PPP1R16B: variants seen among roughly 807,000 people sequenced by gnomAD.
PPP1R16B encodes the protein protein phosphatase 1 regulatory subunit 16B.
Under a neutral mutation model 61.7 loss-of-function variants are expected in PPP1R16B, and 14 were observed. The observed-to-expected ratio is 0.23, with a 90% CI of 0.15 to 0.35. The LOEUF (loss-of-function observed/expected upper bound fraction) is 0.35. Ranked by LOEUF, PPP1R16B falls within the 10% of genes least tolerant of loss-of-function variation. The pLI, the probability that PPP1R16B is intolerant of heterozygous loss-of-function variation, is 1.00. For missense variants in PPP1R16B, 547 were observed against 752.5 expected, an observed-to-expected ratio of 0.73 and a Z score of 3.19; for synonymous variants, 266 against 305.3, an observed-to-expected ratio of 0.87 and a Z score of 1.34.
chr20:38,906,723 C>G (rs547501915), intron 7 of PPP1R16B, among the ~76,000 whole-genome samples: 9 of 152,200 alleles, frequency 5.9e-5, no homozygotes, highest in Non-Finnish European at 1.3e-4. Context: ...TCCTTAGATA[C>G]CTGCCAGCTC....
At chr20:38,896,098 T>A (rs2085343255) in intron 4 of PPP1R16B, among the ~76,000 whole-genome samples, 1 of 120,654 alleles carries the variant, frequency 8.3e-6, no homozygotes, top group Non-Finnish European at 1.7e-5. Flanking sequence ...CTGCCTTTCT[T>A]CTGTCTCCCC....
intron 2 of PPP1R16B, among the ~76,000 whole-genome samples, chr20:38,870,793 C>T (rs542845055): frequency 1.3e-5 from 2 of 152,320 alleles, no homozygotes; most frequent in East Asian, 1.9e-4. Context: ...CTCCAAGAGG[C>T]AGCTCGGCTG....
At chr20:38,872,401 C>T (rs746779022) in intron 2 of PPP1R16B, among the ~76,000 whole-genome samples, 2 of 151,946 alleles carry the variant, frequency 1.3e-5, no homozygotes, top group Non-Finnish European at 2.9e-5. Context: ...ATTTGCGGAG[C>T]GGGAAAGGAG....
At chr20:38,826,807 A>G (rs2084808141) in intron 1 of PPP1R16B, among the ~76,000 whole-genome samples, 4 of 152,228 alleles carry the variant, frequency 2.6e-5, no homozygotes, top group South Asian at 4.1e-4. Context: ...TCTAAAGGCC[A>G]TGGAGTTCCT....
At chr20:38,902,325 G>A (rs1357567172) in intron 5 of PPP1R16B, among the ~76,000 whole-genome samples, 1 of 152,216 alleles carries the variant, frequency 6.6e-6, no homozygotes, top group East Asian at 1.9e-4. Context: ...CAGCTTGGGA[G>A]ATGATCCAGT....
intron 2 of PPP1R16B, among the ~76,000 whole-genome samples, chr20:38,876,357 G>A (rs899840273): frequency 3.3e-5 from 5 of 152,010 alleles, no homozygotes; most frequent in Non-Finnish European, 7.4e-5. Context: ...AAATATTTTC[G>A]GCTGTGTGGC....
intron 2 of PPP1R16B, among the ~76,000 whole-genome samples, chr20:38,866,740 C>T (rs992093745): frequency 6.6e-6 from 1 of 152,202 alleles, no homozygotes; most frequent in African/African-American, 2.4e-5. Context: ...GTGCAAAGTA[C>T]TGGTGTTTTC....
chr20:38,863,617 C>T (rs1458044169), intron 2 of PPP1R16B, among the ~76,000 whole-genome samples: 1 of 152,182 alleles, frequency 6.6e-6, no homozygotes, highest in Non-Finnish European at 1.5e-5. Context: ...TATCTGCACC[C>T]CAGGTTTTTC....
At chr20:38,868,199 G>A (rs868072321) in intron 2 of PPP1R16B, among the ~76,000 whole-genome samples, 1 of 152,128 alleles carries the variant, frequency 6.6e-6, no homozygotes. Context: ...CAGTGTACAC[G>A]CCGGGCACAG....
chr20:38,906,303 T>TG (rs1247979157), intron 7 of PPP1R16B, among the ~76,000 whole-genome samples: 3 of 143,940 alleles, frequency 2.1e-5, no homozygotes, highest in African/African-American at 7.7e-5. Context: ...TTTTTTTTTT[T>TG]TTTTTTTTGA....
chr20:38,881,408 G>A (rs74388048), intron 2 of PPP1R16B, among the ~76,000 whole-genome samples: 4 of 152,238 alleles, frequency 2.6e-5, no homozygotes, highest in South Asian at 2.1e-4. Flanking sequence ...GCCCTTTGGC[G>A]TTATCAGAGC....
At chr20:38,904,411 T>C (rs2085423132) in intron 6 of PPP1R16B, among the ~76,000 whole-genome samples, 1 of 152,230 alleles carries the variant, frequency 6.6e-6, no homozygotes, top group South Asian at 2.1e-4. Flanking sequence ...GCTGGGAGCA[T>C]TAAATGAGAT....
intron 2 of PPP1R16B, among the ~76,000 whole-genome samples, chr20:38,880,958 G>A (rs922869988): frequency 1.3e-5 from 2 of 152,234 alleles, no homozygotes; most frequent in African/African-American, 2.4e-5. Flanking sequence ...ATTTCCACGC[G>A]TCTTCACACG....
At chr20:38,819,509 A>G (rs2084759556) in intron 1 of PPP1R16B, among the ~76,000 whole-genome samples, 1 of 152,174 alleles carries the variant, frequency 6.6e-6, no homozygotes, top group Non-Finnish European at 1.5e-5. Flanking sequence ...TAAATATATT[A>G]TGTATATGAC....
At chr20:38,876,515 C>T (rs2145749183) in intron 2 of PPP1R16B, among the ~76,000 whole-genome samples, 1 of 137,146 alleles carries the variant, frequency 7.3e-6, no homozygotes, top group Non-Finnish European at 1.5e-5. Context: ...CCAAATATTA[C>T]TCTTCTTTGA....
At chr20:38,861,780 G>A (rs1445816194) in intron 2 of PPP1R16B, among the ~76,000 whole-genome samples, 4 of 151,252 alleles carry the variant, frequency 2.6e-5, no homozygotes, top group South Asian at 2.1e-4. Flanking sequence ...GGGTTCAAGC[G>A]ATTCTCTTGC....
chr20:38,813,764 C>T lies in PPP1R16B; in HGVS notation c.-102+7972C>T, dbSNP rs200459582. ...CTCTAAGGGGTGACATCATCATCAT[C>T]ATCATTATTATTATTATTATTATTA... On this transcript the variant is annotated intron_variant, in intron 1 of 10. Transcript: ENST00000299824. Among the ~76,000 whole-genome samples the T allele has an allele frequency of 1.2e-3, 161 of 132,756 alleles. 1 individual carries two copies. Among genetic ancestry groups the T allele is most frequent in the East Asian group, 0.012 (58 of 4,890 alleles). The allele number at this position is 132,756 out of a possible 152,430, so 87.1% of individuals were successfully genotyped here.
intron 1 of PPP1R16B, among the ~76,000 whole-genome samples, chr20:38,816,169 T>C (rs1414764990): frequency 1.3e-5 from 2 of 152,118 alleles, no homozygotes; most frequent in African/African-American, 4.8e-5. Flanking sequence ...AATTTTAGAA[T>C]AGTCTCTTTG....
chr20:38,890,746 T>C (rs936021741), intron 3 of PPP1R16B, among the ~76,000 whole-genome samples: 2 of 152,248 alleles, frequency 1.3e-5, no homozygotes, highest in Non-Finnish European at 2.9e-5. Flanking sequence ...AATTAATGCA[T>C]GAACACACCA....
Sources: allele counts gnomAD v4.1 joint callset (sites outside exome capture counted in the v4.1 genomes callset), GRCh38; gene constraint gnomAD v4.1.1; transcripts MANE v1.5; gene names NCBI Gene and HGNC (gene_info 2026-07-23, HGNC 2026-07-21).